CDH18: variants seen among roughly 807,000 people sequenced by gnomAD.
CDH18 encodes the protein cadherin 18, also known as cadherin-18.
In CDH18, 31 loss-of-function variants were observed where a neutral mutation model predicts 67.9. The ratio of observed to expected loss-of-function variants is 0.46; its 90% CI spans 0.34 to 0.62. The LOEUF (loss-of-function observed/expected upper bound fraction) is 0.62, where lower values mean the gene tolerates loss of function less well. Ranked by LOEUF, CDH18 falls within the 20% of genes least tolerant of loss-of-function variation. The pLI, the probability that CDH18 is intolerant of heterozygous loss-of-function variation, is 0.01. For missense variants in CDH18, 890 were observed against 975.5 expected (o/e 0.91, Z 1.17); for synonymous variants, 362 against 347.2 (o/e 1.04, Z -0.48).
chr5:20,302,635 C>A (rs889335915), intron 1 of CDH18, among the ~76,000 whole-genome samples: 17 of 152,250 alleles, frequency 1.1e-4, no homozygotes, highest in African/African-American at 4.1e-4. Context: ...TAAAATTGCT[C>A]CCGGCCCCAA....
intron 2 of CDH18, among the ~76,000 whole-genome samples, chr5:20,247,159 T>A (rs1743444149): frequency 1.3e-5 from 2 of 152,282 alleles, no homozygotes; most frequent in South Asian, 4.1e-4. Flanking sequence ...GGACCAAGAA[T>A]AAAGATGCTG....
chr5:19,721,624 T>C (rs1456779929), intron 4 of CDH18, among the ~76,000 whole-genome samples, 158 bp from the exon 5 acceptor site: 1 of 152,230 alleles, frequency 6.6e-6, no homozygotes, highest in East Asian at 1.9e-4. Flanking sequence ...ATTACTTGCT[T>C]TCTTTCCCTG....
intron 7 of CDH18, among the ~76,000 whole-genome samples, chr5:19,585,207 T>G (rs1296018187): frequency 3.3e-5 from 5 of 152,160 alleles, no homozygotes; most frequent in Non-Finnish European, 5.9e-5. Context: ...TAATTTTACC[T>G]TTGTTTTTCA....
chr5:20,017,679 T>C (rs1737995273), intron 2 of CDH18, among the ~76,000 whole-genome samples: 1 of 152,194 alleles, frequency 6.6e-6, no homozygotes, highest in Non-Finnish European at 1.5e-5. Flanking sequence ...GTGAGAAAGT[T>C]ATTAAGCAAA....
intron 5 of CDH18, among the ~76,000 whole-genome samples, chr5:19,655,973 A>C (rs1036443611): frequency 6.9e-6 from 1 of 144,232 alleles, no homozygotes; most frequent in Non-Finnish European, 1.5e-5. Flanking sequence ...AGATACTTTT[A>C]GTCTACTCAC....
At chr5:20,130,874 A>G (rs1442754351) in intron 2 of CDH18, among the ~76,000 whole-genome samples, 5 of 151,852 alleles carry the variant, frequency 3.3e-5, no homozygotes, top group Non-Finnish European at 7.4e-5. Flanking sequence ...TTTTTATCAC[A>G]ATTGCATATT....
intron 2 of CDH18, among the ~76,000 whole-genome samples, chr5:20,131,520 A>T (rs546452579): frequency 6.6e-6 from 1 of 152,126 alleles, no homozygotes; most frequent in Non-Finnish European, 1.5e-5. Flanking sequence ...ACTAAAAGCA[A>T]AACAAATTGC....
At chr5:19,692,686 T>A (rs142801309) in intron 5 of CDH18, among the ~76,000 whole-genome samples, 2 of 151,978 alleles carry the variant, frequency 1.3e-5, no homozygotes, top group Admixed American at 6.6e-5. Context: ...TCAGATAACA[T>A]CATACCCCAG....
At position 19,473,216 on chromosome 5, in the gene CDH18, A is replaced by T. The variant is rs1737826683; in HGVS notation, c.*10T>A. On this transcript the variant is annotated 3_prime_UTR_variant, in exon 13 of 13. Coordinates refer to ENST00000382275, the MANE Select transcript of CDH18 (RefSeq NM_004934.5). The stretch of plus-strand genomic sequence containing the variant: ...GAAGCAAATTCCACAAGGTTGCAAG[A>T]ACTGACCCCCTAAGTTGTTCTTTCA... The T allele has an allele frequency of 6.2e-7, 1 of 1,610,686 alleles. No individual in the cohort carries two copies. Among genetic ancestry groups the T allele is most frequent in the African/African-American group, 1.3e-5 (1 of 74,882 alleles).
chr5:19,980,032 T>C (rs926311728), intron 2 of CDH18, among the ~76,000 whole-genome samples: 3 of 152,118 alleles, frequency 2.0e-5, no homozygotes, highest in Non-Finnish European at 4.4e-5. Context: ...TGTTTGCTGA[T>C]GATATGATTG....
intron 5 of CDH18, among the ~76,000 whole-genome samples, chr5:19,616,464 C>A (rs1749858614): frequency 6.6e-6 from 1 of 152,122 alleles, no homozygotes; most frequent in African/African-American, 2.4e-5. Flanking sequence ...TTTCAGATTA[C>A]CTTGTCCTAG....
intron 1 of CDH18, among the ~76,000 whole-genome samples, chr5:20,371,195 G>A (rs892463075): frequency 6.6e-6 from 1 of 151,970 alleles, no homozygotes; most frequent in African/African-American, 2.4e-5. Flanking sequence ...GGGGAGGGTT[G>A]GTGAGGATAA....
At chr5:19,486,108 T>A (rs1426728984) in intron 11 of CDH18, among the ~76,000 whole-genome samples, 2 of 152,016 alleles carry the variant, frequency 1.3e-5, no homozygotes, top group Admixed American at 6.6e-5. Flanking sequence ...AAAGGATGAT[T>A]CAGGAGGCAA....
At chr5:20,070,695 T>C (rs1381688328) in intron 2 of CDH18, among the ~76,000 whole-genome samples, 1 of 152,192 alleles carries the variant, frequency 6.6e-6, no homozygotes, top group African/African-American at 2.4e-5. Flanking sequence ...GCAGAATGAA[T>C]AATTTGCAGA....
intron 2 of CDH18, among the ~76,000 whole-genome samples, chr5:20,038,688 G>A (rs1248211769): frequency 4.6e-5 from 7 of 151,976 alleles, no homozygotes; most frequent in Non-Finnish European, 2.9e-5. Flanking sequence ...TTGATGAAAT[G>A]TATCTCAAAA....
intron 2 of CDH18, among the ~76,000 whole-genome samples, chr5:20,043,216 A>G (rs2150476555): frequency 6.6e-6 from 1 of 152,178 alleles, no homozygotes; most frequent in African/African-American, 2.4e-5. Context: ...CCCCTGGGAG[A>G]TAAAAGCTTC....
intron 2 of CDH18, among the ~76,000 whole-genome samples, chr5:20,234,635 A>T: frequency 6.6e-6 from 1 of 152,142 alleles, no homozygotes; most frequent in African/African-American, 2.4e-5. Flanking sequence ...ACAAATGTTT[A>T]TTGTTTAAGT....
At chr5:19,584,140 A>G (rs1184039897) in intron 7 of CDH18, among the ~76,000 whole-genome samples, 1 of 152,202 alleles carries the variant, frequency 6.6e-6, no homozygotes, top group Non-Finnish European at 1.5e-5. Context: ...ATGTCAGAGG[A>G]AAGAGAGTAC....
chr5:19,640,282 A>G (rs1442877649), intron 5 of CDH18, among the ~76,000 whole-genome samples: 2 of 152,188 alleles, frequency 1.3e-5, no homozygotes, highest in African/African-American at 4.8e-5. Context: ...AAAATCTATT[A>G]ATAGATACAC....
Sources: gnomAD v4.1 joint callset for allele counts (sites outside exome capture counted in the v4.1 genomes callset) on GRCh38, gnomAD v4.1.1 for gene constraint, MANE v1.5 for transcripts, NCBI Gene and HGNC (gene_info 2026-07-23, HGNC 2026-07-21) for gene names.